ZNF347: variants seen among roughly 807,000 people sequenced by gnomAD.
ZNF347 encodes the protein zinc finger protein 347.
A neutral mutation model predicts 12.9 loss-of-function variants in ZNF347; 19 were observed. The ratio of observed to expected loss-of-function variants is 1.47; its 90% confidence interval spans 1.03 to 2.16. ZNF347 has a LOEUF of 2.16. Ranked by LOEUF, ZNF347 falls within the 30% of genes most tolerant of loss-of-function variation. The probability of loss-of-function intolerance (pLI) is 0.00; values close to 1 mark genes in which losing one functional copy is unlikely to be tolerated. For synonymous variants in ZNF347, 328 were observed against 340.6 expected (o/e 0.96, Z 0.41); for missense variants, 1,005 against 990.6 (o/e 1.01, Z -0.19).
Position 53,140,034 on chromosome 19 carries a change from G to T in ZNF347, c.*274C>A, listed in dbSNP as rs577083609. The T allele has an allele frequency of 9.8e-6, 3 of 305,112 alleles. No individual in the cohort carries two copies. The highest frequency in any genetic ancestry group is 9.2e-5 in the Admixed American group (2 of 21,802). The allele number at this position is 305,112 out of a possible 1,614,324, so 18.9% of individuals were successfully genotyped here. A position where few individuals can be genotyped will look rare whatever the true frequency, so the allele number is the denominator to read the frequency against. On this transcript the variant is annotated 3_prime_UTR_variant, in exon 5 of 5. Coordinates refer to ENST00000334197, the MANE Select transcript of ZNF347 (RefSeq NM_032584.3). ...TCCTGCCTCAGCCTCCTATATAGCT[G>T]GGATTACAGGCGCACGCCACCAGGC...
intron 4 of ZNF347, among the ~76,000 whole-genome samples, chr19:53,148,460 T>C (rs1311679558): frequency 2.6e-5 from 4 of 152,130 alleles, no homozygotes; most frequent in Non-Finnish European, 5.9e-5. Flanking sequence ...GTGTTGTCCA[T>C]CATGATAAAG....
chr19:53,153,598 G>T, intron 2 of ZNF347, 135 bp downstream of exon 2: 1 of 1,454,020 alleles, frequency 6.9e-7, no homozygotes, highest in Non-Finnish European at 9.6e-7. Flanking sequence ...GAGAGGGACT[G>T]AGGGAAGGCA....
At position 53,137,232 on chromosome 19, in the gene ZNF347, T is replaced by C. The variant is rs1026191789; in HGVS notation, c.*3076A>G. On this transcript the variant is annotated 3_prime_UTR_variant, in exon 5 of 5. Coordinates refer to ENST00000334197, the MANE Select transcript of ZNF347 (RefSeq NM_032584.3). ...AGTTGCAAGAGTAAATATTCAGTGT[T>C]GTACTACAGTCAGTTTCCATTTTGT... The C allele has an allele frequency of 1.3e-5, 2 of 152,154 alleles. No homozygotes were observed. Among genetic ancestry groups the C allele is most frequent in the African/African-American group, 2.4e-5 (1 of 41,438 alleles). 9.4% of individuals were successfully genotyped at this position (152,154 alleles called of 1,614,324 possible).
chr19:53,140,093 T>C lies in ZNF347; in HGVS notation c.*215A>G, dbSNP rs1332104033. 14 of 490,102 alleles carry C rather than the reference T, an allele frequency of 2.9e-5. No individual in the cohort carries two copies. Among genetic ancestry groups the C allele is most frequent in the Middle Eastern group, 5.3e-4 (1 of 1,896 alleles). The allele number at this position is 490,102 out of a possible 1,614,324, so 30.4% of individuals were successfully genotyped here. On this transcript the variant is annotated 3_prime_UTR_variant, in exon 5 of 5. Coordinates refer to ENST00000334197, the MANE Select transcript of ZNF347 (RefSeq NM_032584.3). ...TTGTGTACTTTTAGTAGAAATGGGG[T>C]TTCGCCATGTTGGTCAGGCTGGTCT... is the stretch of plus-strand genomic sequence containing the variant.
intron 2 of ZNF347, among the ~76,000 whole-genome samples, chr19:53,153,239 A>G (rs1194229264): frequency 6.6e-6 from 1 of 152,156 alleles, no homozygotes; most frequent in Non-Finnish European, 1.5e-5. Context: ...CATTAATAAG[A>G]GTTTGGGGTT....
At chr19:53,142,635 C>T in intron 4 of ZNF347, 79 bp from the exon 5 acceptor site, 2 of 1,116,020 alleles carry the variant, frequency 1.8e-6, no homozygotes, top group African/African-American at 1.6e-5. Context: ...AACAATATTA[C>T]ACCGAAAAAC....
chr19:53,140,393 T>C lies in ZNF347; in HGVS notation c.2435A>G (p.His812Arg), dbSNP rs1202537542. The change falls in exon 5 of 5, where the codon CAT (histidine) becomes CGT (arginine). Residue 812 changes from histidine to arginine, a missense_variant. By Grantham distance (29) the His-to-Arg change is conservative. Coordinates refer to ENST00000334197, the MANE Select transcript of ZNF347 (RefSeq NM_032584.3). ...CSSLTTHQTI[H>R]TGGKPYKCNV... The stretch of plus-strand genomic sequence containing the variant: ...ACATTTGTAAGGTTTCCCACCAGTA[T>C]GGATTGTCTGATGGGTAGTTAGGCT... 1.9e-6 allele frequency: 3 copies of C among 1,612,678 alleles called. No homozygotes were observed. The highest frequency in any genetic ancestry group is 2.5e-6 in the Non-Finnish European group (3 of 1,179,318).
chr19:53,158,062 C>T (rs989832790), intron 1 of ZNF347, among the ~76,000 whole-genome samples: 2 of 152,206 alleles, frequency 1.3e-5, no homozygotes, highest in African/African-American at 4.8e-5. Context: ...TGCTAATCCC[C>T]TTGGTCCACA....
rs151260848 is a variant in ZNF347, at chr19:53,142,827, G to A, written c.272-271C>T. 1.9e-4 allele frequency among the ~76,000 whole-genome samples: 29 copies of A among 152,172 alleles called. No homozygotes were observed. In the East Asian group the frequency reaches 3.5e-3, roughly 18 times the overall value. ...CAATACTGTAGCCAGCAAAGCAATC[G>A]TTCAGTCATAAAGGAGAGAAAGTCT... On this transcript the variant is annotated intron_variant, in intron 4 of 4. Transcript: ENST00000334197.
At chr19:53,152,327 C>G (rs1599859668) in intron 2 of ZNF347, among the ~76,000 whole-genome samples, 1 of 152,202 alleles carries the variant, frequency 6.6e-6, no homozygotes, top group East Asian at 1.9e-4. Flanking sequence ...CACTGAAGGG[C>G]CGGGCATGGT....
chr19:53,136,627 T>A lies in ZNF347; in HGVS notation c.*3681A>T, dbSNP rs1174481474. 2 of 151,710 alleles carry A rather than the reference T, an allele frequency of 1.3e-5. No homozygotes were observed. Among genetic ancestry groups the A allele is most frequent in the Non-Finnish European group, 2.9e-5 (2 of 67,930 alleles). 9.4% of individuals were successfully genotyped at this position (151,710 alleles called of 1,614,324 possible). ...ATGGAGAATATGTTACACAATACCATAAACTGAACAAGACATGAATATAAC... is the reference window on the plus strand; with the variant it reads ...ATGGAGAATATGTTACACAATACCAAAAACTGAACAAGACATGAATATAAC... On this transcript the variant is annotated 3_prime_UTR_variant, in exon 5 of 5. Transcript: ENST00000334197.
intron 2 of ZNF347, among the ~76,000 whole-genome samples, chr19:53,151,487 G>C (rs972568215): frequency 6.9e-6 from 1 of 145,140 alleles, no homozygotes; most frequent in African/African-American, 2.6e-5. Flanking sequence ...GCAGTGAACC[G>C]AGACTGTGCC....
At position 53,140,315 on chromosome 19, in the gene ZNF347, T is replaced by G; in HGVS notation, c.2513A>C (p.Asn838Thr). 1 of 1,544,000 alleles carries G rather than the reference T, an allele frequency of 6.5e-7. No homozygotes were observed. The highest frequency in any genetic ancestry group is 8.7e-7 in the Non-Finnish European group (1 of 1,149,794). ...SEFKPCKPSQ[N>T]S ...TTGTAAGGTTTCTCTCCACTATGAATTCTGTGATGGCTTGCAAGGTTTGAA... is the reference window on the plus strand; with the variant it reads ...TTGTAAGGTTTCTCTCCACTATGAAGTCTGTGATGGCTTGCAAGGTTTGAA... The change falls in exon 5 of 5, where the codon AAT becomes ACT. Residue 838 changes from asparagine (N) to threonine (T), a missense_variant. Asn to Thr is a moderately conservative substitution (Grantham distance 65, BLOSUM62 0). Transcript: ENST00000334197.
intron 4 of ZNF347, 53 bp from the exon 5 acceptor site, chr19:53,142,609 GTATTTTACACCGAAAAACAA>G (rs2090437074): frequency 7.4e-7 from 1 of 1,345,584 alleles, no homozygotes; most frequent in African/African-American, 1.5e-5. Context: ...ACGTAAACAA[GTATTTTACACCGAAAAACAA>G]TATTACACCG....
At position 53,135,448 on chromosome 19, in the gene ZNF347, C is replaced by T. The variant is rs1183865426; in HGVS notation, c.*4860G>A. On this transcript the variant is annotated 3_prime_UTR_variant, in exon 5 of 5. Coordinates refer to ENST00000334197, the MANE Select transcript of ZNF347 (RefSeq NM_032584.3). ...AGTGCAATGGTGGGAACTCGGCTAACTGCAACATCCGCCTCCCAGGCTCAA... is the reference window on the plus strand; with the variant it reads ...AGTGCAATGGTGGGAACTCGGCTAATTGCAACATCCGCCTCCCAGGCTCAA... 1 of 151,568 alleles carries T rather than the reference C, an allele frequency of 6.6e-6. No homozygotes were observed. Among genetic ancestry groups the T allele is most frequent in the African/African-American group, 2.4e-5 (1 of 41,168 alleles). The allele number at this position is 151,568 out of a possible 1,614,324, so 9.4% of individuals were successfully genotyped here.
rs2090422707 is a variant in ZNF347, at chr19:53,141,148, C to T, written c.1680G>A (p.Gln560=). ...FSVYSSLTTH[Q]VIHTGEKPYK... is the part of the protein sequence containing the mutation. ...AAGGTTTTTCTCCAGTATGGATGACCTGATGGGTAGTTAGGCTTGAATACA... is the reference window on the plus strand; with the variant it reads ...AAGGTTTTTCTCCAGTATGGATGACTTGATGGGTAGTTAGGCTTGAATACA... The change falls in exon 5 of 5, where the codon CAG becomes CAA. Residue 560 remains glutamine (Q), a synonymous_variant. Coordinates refer to ENST00000334197, the MANE Select transcript of ZNF347 (RefSeq NM_032584.3). 6.2e-7 allele frequency: 1 copy of T among 1,613,976 alleles called. No individual in the cohort carries two copies. The highest frequency in any genetic ancestry group is 8.5e-7 in the Non-Finnish European group (1 of 1,179,928).
At position 53,141,703 on chromosome 19, in the gene ZNF347, A is replaced by C; in HGVS notation, c.1125T>G (p.Cys375Trp). The C allele has an allele frequency of 6.2e-7, 1 of 1,614,012 alleles. No individual in the cohort carries two copies. Among genetic ancestry groups the C allele is most frequent in the Non-Finnish European group, 8.5e-7 (1 of 1,179,958 alleles). Residue 375 changes from cysteine (C) to tryptophan (W), a missense_variant, in exon 5 of 5, where the codon TGT (cysteine) becomes TGG (tryptophan). Transcript: ENST00000334197. Reference sequence around the variant, plus strand: ...CTCTAAAGGCTTTCCCACACTCATTACACTTGTAAGGTTTCTCTCCAGTAT... The same window carrying C: ...CTCTAAAGGCTTTCCCACACTCATTCCACTTGTAAGGTTTCTCTCCAGTAT... ...GIHTGEKPYKCNECGKAFRAR... is the reference protein window; with the variant it reads ...GIHTGEKPYKWNECGKAFRAR...
At chr19:53,144,899 C>A (rs2090452788) in intron 4 of ZNF347, among the ~76,000 whole-genome samples, 1 of 151,956 alleles carries the variant, frequency 6.6e-6, no homozygotes, top group Non-Finnish European at 1.5e-5. Flanking sequence ...AGACACCAAA[C>A]AAGTCTCAAT....
At chr19:53,153,110 T>A (rs1392318860) in intron 2 of ZNF347, among the ~76,000 whole-genome samples, 2 of 152,120 alleles carry the variant, frequency 1.3e-5, no homozygotes, top group Non-Finnish European at 1.5e-5. Context: ...TGAAAATAGT[T>A]CAATGATTCT....
Sources: gnomAD v4.1 joint callset for allele counts (sites outside exome capture counted in the v4.1 genomes callset) on GRCh38, gnomAD v4.1.1 for gene constraint, MANE v1.5 for transcripts, NCBI Gene and HGNC (gene_info 2026-07-23, HGNC 2026-07-21) for gene names.